SLC66A3: variants seen among roughly 807,000 people sequenced by gnomAD.
The protein encoded by SLC66A3 is PQ loop repeat containing 3.
In SLC66A3, 23 loss-of-function variants were observed where a neutral mutation model predicts 25.5. The observed-to-expected ratio is 0.90, with a 90% confidence interval of 0.65 to 1.28. The LOEUF (loss-of-function observed/expected upper bound fraction) is 1.28, where lower values mean the gene tolerates loss of function less well. SLC66A3 is among the 50% of genes most tolerant of loss of function. The probability of loss-of-function intolerance (pLI) is 0.00; values close to 1 mark genes in which losing one functional copy is unlikely to be tolerated. For missense variants in SLC66A3, 246 were observed against 262.1 expected (o/e 0.94, Z 0.42); for synonymous variants, 108 against 112.6 (o/e 0.96, Z 0.26).
intron 4 of SLC66A3, among the ~76,000 whole-genome samples, chr2:11,164,721 T>G (rs1391500021): frequency 1.3e-5 from 2 of 150,420 alleles, no homozygotes; most frequent in East Asian, 3.9e-4. Flanking sequence ...TACTTGAGAT[T>G]AGGGAGTGGT....
chr2:11,170,232 C>T (rs953305287), intron 4 of SLC66A3, among the ~76,000 whole-genome samples: 1 of 152,184 alleles, frequency 6.6e-6, no homozygotes, highest in Non-Finnish European at 1.5e-5. Flanking sequence ...CTTCTCACCT[C>T]GTCTGTTTCT....
chr2:11,166,534 G>C (rs1182605812), intron 4 of SLC66A3, among the ~76,000 whole-genome samples: 1 of 152,166 alleles, frequency 6.6e-6, no homozygotes, highest in African/African-American at 2.4e-5. Flanking sequence ...TGTGACTTGG[G>C]AGAGCAAATA....
intron 6 of SLC66A3, among the ~76,000 whole-genome samples, chr2:11,176,247 A>G (rs1328531732): frequency 6.6e-6 from 1 of 152,014 alleles, no homozygotes. Flanking sequence ...ATGGATTCTC[A>G]CTCTGTCGCC....
At chr2:11,158,325 C>T (rs1472085456) in intron 1 of SLC66A3, among the ~76,000 whole-genome samples, 1 of 150,086 alleles carries the variant, frequency 6.7e-6, no homozygotes, top group Non-Finnish European at 1.5e-5. Context: ...CAAGACCAGC[C>T]TTGCCAACAT....
rs554148866 is a variant in SLC66A3 at position 11,166,057 on chromosome 2, A to G, written c.354+1796A>G. 3.9e-5 allele frequency among the ~76,000 whole-genome samples: 6 copies of G among 152,282 alleles called. No individual in the cohort carries two copies. In the East Asian group the frequency reaches 1.2e-3, roughly 29 times the overall value. ...CCCAGCTAATTTTTGTATTTTTAGT[A>G]GAGACAGGGTTTCACTGTGTTGGCC... On this transcript the variant is annotated intron_variant, in intron 4 of 6. Coordinates refer to ENST00000295083, the MANE Select transcript of SLC66A3 (RefSeq NM_152391.5).
chr2:11,168,761 C>T (rs1407520525), intron 4 of SLC66A3, among the ~76,000 whole-genome samples: 1 of 152,180 alleles, frequency 6.6e-6, no homozygotes, highest in Admixed American at 6.5e-5. Flanking sequence ...CTGCACCCAG[C>T]TCTCAGGGTG....
chr2:11,164,508 A>AT (rs35884718), intron 4 of SLC66A3, among the ~76,000 whole-genome samples: 128,254 of 140,622 alleles, frequency 0.91, 58,573 homozygotes, highest in East Asian at 0.99. Flanking sequence ...CACCCAGCTA[A>AT]TTTTTTTTTT....
At position 11,167,820 on chromosome 2, in the gene SLC66A3, G is replaced by T. The variant is rs148301037; in HGVS notation, c.354+3559G>T. ...AGAATCCTAGAGAGGAGCGGGTGCT[G>T]CTTGAATCAGTGGAAAACCTCCATT... On this transcript the variant is annotated intron_variant, in intron 4 of 6. Coordinates refer to ENST00000295083, the MANE Select transcript of SLC66A3 (RefSeq NM_152391.5). Among the ~76,000 whole-genome samples the T allele has an allele frequency of 1.9e-3, 287 of 152,238 alleles. 1 individual carries two copies. Among genetic ancestry groups the T allele is most frequent in the African/African-American group, 6.8e-3 (282 of 41,528 alleles).
chr2:11,160,749 G>T, intron 3 of SLC66A3, 55 bp downstream of exon 3: 1 of 1,612,344 alleles, frequency 6.2e-7, no homozygotes, highest in South Asian at 1.1e-5. Flanking sequence ...TTTGTGAATG[G>T]TATGCATTGT....
At chr2:11,165,258 CT>C (rs1662286264) in intron 4 of SLC66A3, among the ~76,000 whole-genome samples, 1 of 138,568 alleles carries the variant, frequency 7.2e-6, no homozygotes, top group African/African-American at 2.9e-5. Context: ...CTCCTCACTT[CT>C]CAGAGGGGCG....
intron 5 of SLC66A3, 34 bp from the exon 6 acceptor site, chr2:11,174,934 C>T (rs761106373): frequency 6.2e-5 from 97 of 1,573,950 alleles, no homozygotes; most frequent in Non-Finnish European, 8.2e-5. Flanking sequence ...GTCCGAGAGG[C>T]AAGTTACTTA....
At chr2:11,161,407 C>G (rs941015170) in intron 3 of SLC66A3, among the ~76,000 whole-genome samples, 4 of 151,996 alleles carry the variant, frequency 2.6e-5, no homozygotes, top group African/African-American at 9.7e-5. Flanking sequence ...AGTGATCCTC[C>G]TGCCTCAGCC....
intron 4 of SLC66A3, among the ~76,000 whole-genome samples, chr2:11,165,834 C>T (rs558083288): frequency 3.7e-4 from 54 of 144,880 alleles, no homozygotes; most frequent in South Asian, 2.9e-3. Flanking sequence ...GCCAACACAG[C>T]GAAACCCTGT....
Position 11,174,972 on chromosome 2 carries a change from A to C in SLC66A3, c.480A>C (p.Arg160Ser). The C allele has an allele frequency of 6.2e-7, 1 of 1,608,146 alleles. No homozygotes were observed. Among genetic ancestry groups the C allele is most frequent in the South Asian group, 1.1e-5 (1 of 88,928 alleles). The stretch of plus-strand genomic sequence containing the variant: ...GCTGCAAGTTTTCTTTTACAGCAAG[A>C]ATAATCACAACCTTAATGACCACCA... ...WSLSSYTCAT[R>S]IITTLMTTND... The change falls in exon 6 of 7, where the codon AGA (arginine) becomes AGC (serine). Residue 160 changes from arginine to serine, a missense_variant. Physicochemically the swap from Arg to Ser is moderately radical, Grantham distance 110. Transcript: ENST00000295083.
intron 4 of SLC66A3, 48 bp downstream of exon 4, chr2:11,164,309 A>G (rs781610491): frequency 2.3e-5 from 17 of 733,244 alleles, no homozygotes; most frequent in Non-Finnish European, 3.2e-5. Context: ...GCTACCTTGG[A>G]GAGAACTTGA....
In SLC66A3 at chr2:11,177,969, A is replaced by G; in HGVS notation, c.*141A>G. On this transcript the variant is annotated 3_prime_UTR_variant, in exon 7 of 7. Coordinates refer to ENST00000295083, the MANE Select transcript of SLC66A3 (RefSeq NM_152391.5). ...AGCCAAAGGTTTTTTTAGACTTGAA[A>G]GAAAGAGCCACTTAAATTCTTGTTT... is the stretch of plus-strand genomic sequence containing the variant. 1 of 599,420 alleles carries G rather than the reference A, an allele frequency of 1.7e-6. No individual in the cohort carries two copies. The highest frequency in any genetic ancestry group is 2.9e-6 in the Non-Finnish European group (1 of 345,856). 37.1% of individuals were successfully genotyped at this position (599,420 alleles called of 1,614,324 possible).
chr2:11,168,632 C>G (rs1014015294), intron 4 of SLC66A3, among the ~76,000 whole-genome samples: 1 of 152,112 alleles, frequency 6.6e-6, no homozygotes, highest in Non-Finnish European at 1.5e-5. Flanking sequence ...CTGGCTGGTT[C>G]TCTGGTGCGA....
chr2:11,177,325 T>C (rs945363176), intron 6 of SLC66A3, among the ~76,000 whole-genome samples: 4 of 151,870 alleles, frequency 2.6e-5, no homozygotes, highest in African/African-American at 9.7e-5. Context: ...CCAGGCGTGG[T>C]GGTGGGCACC....
chr2:11,172,854 AT>A, intron 5 of SLC66A3: 1 of 287,762 alleles, frequency 3.5e-6, no homozygotes, highest in South Asian at 2.7e-5. Flanking sequence ...CACCTGGCTA[AT>A]TTTTAATTAT....
Sources: gnomAD v4.1 joint callset for allele counts (sites outside exome capture counted in the v4.1 genomes callset) on GRCh38, gnomAD v4.1.1 for gene constraint, MANE v1.5 for transcripts, NCBI Gene and HGNC (gene_info 2026-07-23, HGNC 2026-07-21) for gene names.